UCK2: variants seen among roughly 807,000 people sequenced by gnomAD.
The protein encoded by UCK2 is uridine-cytidine kinase 2, also known as cytidine monophosphokinase 2.
A neutral mutation model predicts 30.8 loss-of-function variants in UCK2; 6 were observed. The observed-to-expected ratio is 0.19, with a 90% CI of 0.11 to 0.38. UCK2 has a LOEUF of 0.38. Among genes scored for constraint, UCK2 ranks in the 10% least tolerant of loss-of-function variants. UCK2 has a pLI of 1.00. For synonymous variants in UCK2, 125 were observed against 133.6 expected, an observed-to-expected ratio of 0.94 and a Z score of 0.45; for missense variants, 210 against 339.8, an observed-to-expected ratio of 0.62 and a Z score of 3.00.
intron 1 of UCK2, among the ~76,000 whole-genome samples, chr1:165,869,659 CT>C (rs71100867): frequency 0.48 from 34,613 of 72,666 alleles, 6,814 homozygotes; most frequent in Middle Eastern, 0.58. Flanking sequence ...CATCATGGGC[CT>C]TTTTTTTTTT....
At chr1:165,847,361 T>C (rs577124277) in intron 1 of UCK2, among the ~76,000 whole-genome samples, 11 of 152,158 alleles carry the variant, frequency 7.2e-5, no homozygotes, top group Admixed American at 5.9e-4. Flanking sequence ...ACAATAATTA[T>C]CTCTTATGAT....
chr1:165,837,517 T>G (rs780136841), intron 1 of UCK2, among the ~76,000 whole-genome samples: 4 of 152,222 alleles, frequency 2.6e-5, no homozygotes, highest in Non-Finnish European at 4.4e-5. Context: ...ACTGTCACTT[T>G]TAAGCCTTTG....
intron 1 of UCK2, among the ~76,000 whole-genome samples, chr1:165,870,213 T>C (rs1297538404): frequency 6.6e-6 from 1 of 151,262 alleles, no homozygotes; most frequent in Non-Finnish European, 1.5e-5. Context: ...TTTTTTTTTT[T>C]TTTTTTTGCA....
At chr1:165,869,234 A>C (rs1443741046) in intron 1 of UCK2, among the ~76,000 whole-genome samples, 1 of 152,186 alleles carries the variant, frequency 6.6e-6, no homozygotes, top group Non-Finnish European at 1.5e-5. Context: ...AAAATGTTTG[A>C]GATATTGTGA....
chr1:165,841,561 G>A (rs1370845356), intron 1 of UCK2, among the ~76,000 whole-genome samples: 1 of 152,134 alleles, frequency 6.6e-6, no homozygotes, highest in Admixed American at 6.5e-5. Context: ...GAAAGAAAAG[G>A]TCCATGTCTT....
At chr1:165,866,073 A>G (rs1401531492) in intron 1 of UCK2, among the ~76,000 whole-genome samples, 3 of 151,964 alleles carry the variant, frequency 2.0e-5, no homozygotes, top group Non-Finnish European at 2.9e-5. Flanking sequence ...GAGCAAAGGT[A>G]CTTTCAGGGA....
At position 165,882,564 on chromosome 1, in the gene UCK2, A is replaced by G. The variant is rs75533561; in HGVS notation, c.100-7640A>G. On this transcript the variant is annotated intron_variant, in intron 1 of 6. Transcript: ENST00000367879. ...CCAGAGGCTGGGAAGTTCAACATCA[A>G]GGTACTGGCAGGGTTGGTGTCTGGT... Among the ~76,000 whole-genome samples the G allele has an allele frequency of 7.3e-3, 1,109 of 152,316 alleles. 18 individuals carry two copies. The highest frequency in any genetic ancestry group is 0.025 in the African/African-American group (1,057 of 41,550).
In UCK2 at chr1:165,849,081, C is replaced by T. The variant is rs1654527362; in HGVS notation, c.99+21149C>T. 2.0e-5 allele frequency among the ~76,000 whole-genome samples: 3 copies of T among 152,156 alleles called. No individual in the cohort carries two copies. The South Asian group carries it at 6.2e-4, about 32-fold the overall frequency. On this transcript the variant is annotated intron_variant, in intron 1 of 6. Coordinates refer to ENST00000367879, the MANE Select transcript of UCK2 (RefSeq NM_012474.5). ...TCAGCTTGGCCAACAAAGTGAAACGCCATTTCTTAAAAAATATAGTAGGGA... is the reference window on the plus strand; with the variant it reads ...TCAGCTTGGCCAACAAAGTGAAACGTCATTTCTTAAAAAATATAGTAGGGA...
chr1:165,845,097 A>C (rs1224445047), intron 1 of UCK2, among the ~76,000 whole-genome samples: 3 of 152,200 alleles, frequency 2.0e-5, no homozygotes, highest in Non-Finnish European at 4.4e-5. Flanking sequence ...TGCCATTGGC[A>C]TCTGAAGTAT....
At chr1:165,835,877 GTATT>G (rs375909602) in intron 1 of UCK2, among the ~76,000 whole-genome samples, 249 of 152,218 alleles carry the variant, frequency 1.6e-3, no homozygotes, top group African/African-American at 5.9e-3. Flanking sequence ...ATGAATCTAA[GTATT>G]TATTTCTTTT....
chr1:165,844,003 T>A (rs1254148390), intron 1 of UCK2, among the ~76,000 whole-genome samples: 1 of 152,246 alleles, frequency 6.6e-6, no homozygotes, highest in Non-Finnish European at 1.5e-5. Context: ...AGTGCTATTC[T>A]AAGTGTTTTA....
Position 165,907,848 on chromosome 1 carries a change from C to G in UCK2, c.*25C>G, listed in dbSNP as rs767041810. On this transcript the variant is annotated 3_prime_UTR_variant, in exon 7 of 7. Transcript: ENST00000367879. Reference sequence around the variant, plus strand: ...ACCCGTCTCCATCGGACCCCAGCCCCTATCTCCAAGAGACAGAGGAGGGGT... The same window carrying G: ...ACCCGTCTCCATCGGACCCCAGCCCGTATCTCCAAGAGACAGAGGAGGGGT... The G allele has an allele frequency of 6.2e-7, 1 of 1,612,358 alleles. No individual in the cohort carries two copies. The highest frequency in any genetic ancestry group is 2.2e-5 in the East Asian group (1 of 44,864).
At chr1:165,836,492 T>G (rs1392303606) in intron 1 of UCK2, among the ~76,000 whole-genome samples, 1 of 152,252 alleles carries the variant, frequency 6.6e-6, no homozygotes, top group African/African-American at 2.4e-5. Context: ...TAAAATTATA[T>G]GTCAAAATAC....
intron 1 of UCK2, among the ~76,000 whole-genome samples, chr1:165,844,886 C>G (rs80076014): frequency 7.9e-5 from 12 of 152,124 alleles, no homozygotes; most frequent in Non-Finnish European, 1.5e-4. Flanking sequence ...TCACCCTTTG[C>G]GTCTTTTTAA....
chr1:165,896,091 G>A, intron 3 of UCK2, 99 bp from the exon 4 acceptor site: 2 of 1,506,400 alleles, frequency 1.3e-6, no homozygotes, highest in Non-Finnish European at 1.8e-6. Flanking sequence ...TGGGGGCAAG[G>A]AACCCAGAAC....
chr1:165,865,783 T>C (rs1655030668), intron 1 of UCK2, among the ~76,000 whole-genome samples: 2 of 152,244 alleles, frequency 1.3e-5, no homozygotes, highest in South Asian at 4.1e-4. Flanking sequence ...TGGGGTAAGC[T>C]AACTAGGATA....
At chr1:165,880,545 A>T (rs1470084730) in intron 1 of UCK2, among the ~76,000 whole-genome samples, 4 of 130,004 alleles carry the variant, frequency 3.1e-5, no homozygotes, top group African/African-American at 1.1e-4. Context: ...ACAAGCCTAG[A>T]TCCATTCAGT....
rs1647796428 is a variant in UCK2 at position 165,909,953 on chromosome 1, G to T, written c.*2130G>T. 6.6e-6 allele frequency: 1 copy of T among 152,290 alleles called. No homozygotes were observed. The highest frequency in any genetic ancestry group is 2.4e-5 in the African/African-American group (1 of 41,452). 9.4% of individuals were successfully genotyped at this position (152,290 alleles called of 1,614,324 possible). ...CTTGGCTGTTTATCCCACTGCCTTG[G>T]AAGATGGACTCCTCTCATCTCTGAG... On this transcript the variant is annotated 3_prime_UTR_variant, in exon 7 of 7. Coordinates refer to ENST00000367879, the MANE Select transcript of UCK2 (RefSeq NM_012474.5).
At chr1:165,878,110 T>TA (rs1011351159) in intron 1 of UCK2, among the ~76,000 whole-genome samples, 1 of 152,146 alleles carries the variant, frequency 6.6e-6, no homozygotes, top group African/African-American at 2.4e-5. Context: ...TTCACTTCCC[T>TA]AAAAAATCCC....
Sources: allele counts gnomAD v4.1 joint callset (sites outside exome capture counted in the v4.1 genomes callset), GRCh38; gene constraint gnomAD v4.1.1; transcripts MANE v1.5; gene names NCBI Gene and HGNC (gene_info 2026-07-23, HGNC 2026-07-21).